Variants in ENAH observed in about 807,000 individuals in gnomAD.
The protein encoded by ENAH is protein enabled homolog.
ENAH carries 23 observed loss-of-function variants against 78.7 expected under a neutral mutation model. That is an observed-to-expected ratio of 0.29 (90% CI 0.21 to 0.41). The LOEUF (loss-of-function observed/expected upper bound fraction) is 0.41, where lower values mean the gene tolerates loss of function less well. Ranked by LOEUF, ENAH falls within the 10% of genes least tolerant of loss-of-function variation. ENAH has a pLI of 1.00. For missense variants in ENAH, 544 were observed against 691.0 expected, an observed-to-expected ratio of 0.79 and a Z score of 2.39; for synonymous variants, 226 against 241.0, an observed-to-expected ratio of 0.94 and a Z score of 0.58.
chr1:225,565,251 C>A (rs1259466622), intron 2 of ENAH, among the ~76,000 whole-genome samples: 1 of 152,062 alleles, frequency 6.6e-6, no homozygotes, highest in African/African-American at 2.4e-5. Context: ...GCCTGACCAA[C>A]ATAGAGAAAC....
intron 1 of ENAH, among the ~76,000 whole-genome samples, chr1:225,594,992 C>T (rs1041179020): frequency 6.6e-6 from 1 of 152,144 alleles, no homozygotes; most frequent in Non-Finnish European, 1.5e-5. Flanking sequence ...GCAACTCAAT[C>T]TTAACACTAC....
intron 11 of ENAH, chr1:225,505,192 C>T (rs531894624): frequency 5.7e-6 from 3 of 525,784 alleles, no homozygotes; most frequent in South Asian, 3.2e-5. Flanking sequence ...CCAATTTTTC[C>T]CCAATAAAAG....
At chr1:225,620,328 C>T (rs546683724) in intron 1 of ENAH, among the ~76,000 whole-genome samples, 1 of 151,834 alleles carries the variant, frequency 6.6e-6, no homozygotes, top group Admixed American at 6.6e-5. Flanking sequence ...GAGATTGAGA[C>T]CAGCCTGGCC....
chr1:225,542,711 A>G (rs932861699), intron 3 of ENAH, among the ~76,000 whole-genome samples: 20 of 152,210 alleles, frequency 1.3e-4, no homozygotes, highest in Non-Finnish European at 8.8e-5. Context: ...TTTGTCTCAC[A>G]TGGGATTTAC....
intron 1 of ENAH, among the ~76,000 whole-genome samples, chr1:225,580,501 A>T (rs2096810742): frequency 6.6e-6 from 1 of 152,120 alleles, no homozygotes; most frequent in Admixed American, 6.5e-5. Context: ...CAGAATCCTG[A>T]CCCTCAGAAA....
In ENAH at chr1:225,496,923, T is replaced by C. The variant is rs944133643; in HGVS notation, c.*852A>G. ...ATTAAAAAAGCTAACCTTGTGGTGA[T>C]TGTAATTACATTATAAAAATGTCCA... On this transcript the variant is annotated 3_prime_UTR_variant, in exon 14 of 14. Transcript: ENST00000366843. The C allele has an allele frequency of 3.3e-5, 5 of 152,644 alleles. No individual in the cohort carries two copies. Among genetic ancestry groups the C allele is most frequent in the Non-Finnish European group, 5.9e-5 (4 of 68,026 alleles). 9.5% of individuals were successfully genotyped at this position (152,644 alleles called of 1,614,324 possible). A position where few individuals can be genotyped will look rare whatever the true frequency, so the allele number is the denominator to read the frequency against.
intron 12 of ENAH, 55 bp from the exon 13 acceptor site, chr1:225,498,459 AT>A (rs1205090240): frequency 9.3e-7 from 1 of 1,073,236 alleles, no homozygotes; most frequent in East Asian, 2.6e-5. Context: ...CACTAAAGAG[AT>A]TCTTACTCAT....
chr1:225,648,188 A>G (rs1038384932), intron 1 of ENAH, among the ~76,000 whole-genome samples: 2 of 152,172 alleles, frequency 1.3e-5, no homozygotes, highest in Admixed American at 6.5e-5. Flanking sequence ...CCATTCATCA[A>G]TTTCAAACAA....
intron 1 of ENAH, among the ~76,000 whole-genome samples, chr1:225,621,375 C>G (rs990527469): frequency 6.6e-6 from 1 of 150,886 alleles, no homozygotes; most frequent in Non-Finnish European, 1.5e-5. Flanking sequence ...TCACTGCAAG[C>G]TCCGCCTCCC....
chr1:225,600,648 A>C (rs1301603149), intron 1 of ENAH, among the ~76,000 whole-genome samples: 1 of 151,646 alleles, frequency 6.6e-6, no homozygotes, highest in Non-Finnish European at 1.5e-5. Context: ...GCTTGAGCCC[A>C]AGGGTTCAAG....
intron 1 of ENAH, among the ~76,000 whole-genome samples, chr1:225,634,900 A>C (rs754495571): frequency 2.6e-5 from 4 of 152,134 alleles, no homozygotes; most frequent in Non-Finnish European, 5.9e-5. Flanking sequence ...TATTTTGGCT[A>C]TTTGGGGTCC....
intron 4 of ENAH, among the ~76,000 whole-genome samples, chr1:225,520,922 A>G (rs947314891): frequency 1.4e-3 from 83 of 60,898 alleles, no homozygotes; most frequent in African/African-American, 6.9e-3. Context: ...GGAAGGGAGG[A>G]AGGGAGGGAG....
At chr1:225,514,143 T>A (rs2096398566) in intron 7 of ENAH, among the ~76,000 whole-genome samples, 1 of 152,172 alleles carries the variant, frequency 6.6e-6, no homozygotes, top group South Asian at 2.1e-4. Flanking sequence ...CTATAAAAAT[T>A]TAAATTATGT....
chr1:225,633,427 A>G (rs539159740), intron 1 of ENAH, among the ~76,000 whole-genome samples: 1 of 152,238 alleles, frequency 6.6e-6, no homozygotes, highest in African/African-American at 2.4e-5. Context: ...CTCCAACATG[A>G]GACTTGAGAC....
At position 225,598,377 on chromosome 1, in the gene ENAH, G is replaced by A. The variant is rs947657752; in HGVS notation, c.6-30963C>T. Reference sequence around the variant, plus strand: ...TAAAGGGGGAAAGCACAAATACAGAGAGAGTGAAAAAAAAAGGAAAAGACA... The same window carrying A: ...TAAAGGGGGAAAGCACAAATACAGAAAGAGTGAAAAAAAAAGGAAAAGACA... On this transcript the variant is annotated intron_variant, in intron 1 of 13. Transcript: ENST00000366843. Among the ~76,000 whole-genome samples, 9 of 150,882 alleles carry A rather than the reference G, an allele frequency of 6.0e-5. 1 individual carries two copies. The highest frequency in any genetic ancestry group is 1.2e-4 in the Non-Finnish European group (8 of 67,744).
intron 1 of ENAH, among the ~76,000 whole-genome samples, chr1:225,640,690 C>T (rs941541608): frequency 6.6e-6 from 1 of 152,070 alleles, no homozygotes; most frequent in African/African-American, 2.4e-5. Context: ...ATTTCCTCAT[C>T]TATAAAATGG....
chr1:225,517,181 T>C lies in ENAH; in HGVS notation c.913+15A>G, dbSNP rs2096427027. 6.7e-7 allele frequency: 1 copy of C among 1,489,474 alleles called. No individual in the cohort carries two copies. Among genetic ancestry groups the C allele is most frequent in the Admixed American group, 2.4e-5 (1 of 41,336 alleles). The allele number at this position is 1,489,474 out of a possible 1,614,324, so 92.3% of individuals were successfully genotyped here. Reference sequence around the variant, plus strand: ...TCAAGTGATTAGCTGTTAGTAGCAATAATGAAAGCCTTACCCTGTTGGGAT... The same window carrying C: ...TCAAGTGATTAGCTGTTAGTAGCAACAATGAAAGCCTTACCCTGTTGGGAT... On this transcript the variant is annotated intron_variant, in intron 6 of 13. Transcript: ENST00000366843.
intron 2 of ENAH, among the ~76,000 whole-genome samples, chr1:225,558,753 C>G (rs1189260364): frequency 2.0e-5 from 3 of 151,044 alleles, no homozygotes; most frequent in African/African-American, 7.3e-5. Flanking sequence ...CCTGCCTCAG[C>G]CTCCCGAGTA....
chr1:225,615,147 A>C (rs1442355283), intron 1 of ENAH, among the ~76,000 whole-genome samples: 2 of 151,804 alleles, frequency 1.3e-5, no homozygotes, highest in African/African-American at 4.8e-5. Flanking sequence ...TCCCTGCCTG[A>C]TTCTCCTGCC....
Sources: allele counts gnomAD v4.1 joint callset (sites outside exome capture counted in the v4.1 genomes callset), GRCh38; gene constraint gnomAD v4.1.1; transcripts MANE v1.5; gene names NCBI Gene and HGNC (gene_info 2026-07-23, HGNC 2026-07-21).